The following GAS7 variants were observed in gnomAD, a reference collection of about 807,000 sequenced individuals.
GAS7 encodes the protein growth arrest-specific protein 7.
In GAS7, 28 loss-of-function variants were observed where a neutral mutation model predicts 71.1. The observed-to-expected ratio is 0.39, with a 90% CI of 0.29 to 0.54. The LOEUF (loss-of-function observed/expected upper bound fraction) is 0.54. Among genes scored for constraint, GAS7 ranks in the 20% least tolerant of loss-of-function variants. GAS7 has a pLI of 0.62. For synonymous variants in GAS7, 258 were observed against 245.8 expected (o/e 1.05, Z -0.46); for missense variants, 436 against 627.8 (o/e 0.69, Z 3.27).
rs900711132 is a variant in GAS7, at chr17:9,969,569, G to A, written c.471+108C>T. 14 of 689,964 alleles carry A rather than the reference G, an allele frequency of 2.0e-5. No individual in the cohort carries two copies. The highest frequency in any genetic ancestry group is 3.4e-5 in the Non-Finnish European group (13 of 376,916). The allele number at this position is 689,964 out of a possible 1,614,324, so 42.7% of individuals were successfully genotyped here. ...CACAGCAACCACTTTCTACCTGGGGGCAGAACTGGGCTGCAGCCACCTGGA... is the reference window on the plus strand; with the variant it reads ...CACAGCAACCACTTTCTACCTGGGGACAGAACTGGGCTGCAGCCACCTGGA... On this transcript the variant is annotated intron_variant, in intron 4 of 13. Transcript: ENST00000432992. The surrounding 1 kb of genome is among the most constrained non-coding windows in gnomAD (Gnocchi z 5.5).
intron 1 of GAS7, among the ~76,000 whole-genome samples, chr17:10,073,802 T>C (rs888229110): frequency 5.9e-5 from 9 of 152,192 alleles, no homozygotes; most frequent in African/African-American, 2.2e-4. Flanking sequence ...GACTTTTTTC[T>C]CAACTGAATT....
At chr17:9,988,288 C>A (rs1032155408) in intron 2 of GAS7, among the ~76,000 whole-genome samples, 2 of 152,334 alleles carry the variant, frequency 1.3e-5, no homozygotes, top group African/African-American at 4.8e-5. Flanking sequence ...GGCAGCCCTG[C>A]CACTCCGTTT....
rs75453384 is a variant in GAS7, at chr17:9,912,511, G to A, written c.*4717C>T. The stretch of plus-strand genomic sequence containing the variant: ...CCTCCAACGCCCAATACATAGCCAA[G>A]GACCGTGTGACACTGAAGCCTGGGT... On this transcript the variant is annotated 3_prime_UTR_variant, in exon 14 of 14. Transcript: ENST00000432992. The A allele has an allele frequency of 2.9e-3, 674 of 232,926 alleles. 8 individuals are homozygous for A. Among genetic ancestry groups the A allele is most frequent in the Non-Finnish European group, 2.8e-3 (333 of 117,856 alleles). 14.4% of individuals were successfully genotyped at this position (232,926 alleles called of 1,614,324 possible).
At chr17:10,191,434 G>C (rs2074498529) in intron 1 of GAS7, among the ~76,000 whole-genome samples, 1 of 151,748 alleles carries the variant, frequency 6.6e-6, no homozygotes, top group Non-Finnish European at 1.5e-5. Flanking sequence ...GCCAGGCATG[G>C]TGGCAGGTGC....
intron 1 of GAS7, among the ~76,000 whole-genome samples, chr17:10,076,736 G>C (rs1597777035): frequency 6.6e-6 from 1 of 152,158 alleles, no homozygotes; most frequent in East Asian, 1.9e-4. Context: ...AGAAACTGTA[G>C]TTTCAGAACG....
chr17:9,917,872 G>T (rs2067640476), intron 13 of GAS7, 129 bp downstream of exon 13: 2 of 653,872 alleles, frequency 3.1e-6, no homozygotes, highest in Non-Finnish European at 5.3e-6. Context: ...CCAGGCCAGA[G>T]CACCTGCCCA....
intron 1 of GAS7, among the ~76,000 whole-genome samples, chr17:10,186,320 G>A (rs2074453055): frequency 6.6e-6 from 1 of 151,536 alleles, no homozygotes; most frequent in South Asian, 2.1e-4. Context: ...GAGAAGCACA[G>A]ATCTCACACC....
chr17:10,054,624 T>C (rs1207675515), intron 1 of GAS7, among the ~76,000 whole-genome samples: 7 of 152,326 alleles, frequency 4.6e-5, no homozygotes, highest in African/African-American at 1.7e-4. Flanking sequence ...GGGGCCTTTA[T>C]AAGCAGTCGT....
chr17:10,191,729 G>C (rs112490077), intron 1 of GAS7, among the ~76,000 whole-genome samples: 313 of 151,856 alleles, frequency 2.1e-3, no homozygotes, highest in African/African-American at 7.4e-3. Flanking sequence ...ACAAAAATTA[G>C]CCAGGCATGG....
intron 2 of GAS7, among the ~76,000 whole-genome samples, chr17:10,011,488 C>T (rs1013199592): frequency 1.3e-5 from 2 of 152,186 alleles, no homozygotes; most frequent in Non-Finnish European, 2.9e-5. Flanking sequence ...CAGAAGTGAA[C>T]ATATCCACTA....
intron 2 of GAS7, among the ~76,000 whole-genome samples, chr17:9,983,721 A>G (rs2070528296): frequency 6.6e-6 from 1 of 152,082 alleles, no homozygotes; most frequent in Non-Finnish European, 1.5e-5. Context: ...TGGGAGGTGG[A>G]GGTTGCAGTG....
intron 2 of GAS7, among the ~76,000 whole-genome samples, chr17:9,983,075 GT>G (rs1223088698): frequency 6.6e-6 from 1 of 151,634 alleles, no homozygotes; most frequent in Non-Finnish European, 1.5e-5. Context: ...CCATTCAGAG[GT>G]CATCACCATC....
chr17:10,050,986 G>C (rs1370569905), intron 1 of GAS7, among the ~76,000 whole-genome samples: 1 of 152,150 alleles, frequency 6.6e-6, no homozygotes, highest in East Asian at 1.9e-4. Context: ...CCACTCAGTT[G>C]ACCACAGACA....
intron 3 of GAS7, among the ~76,000 whole-genome samples, chr17:9,973,878 A>G (rs564171627): frequency 7.1e-4 from 108 of 152,302 alleles, no homozygotes; most frequent in Non-Finnish European, 1.3e-3. Flanking sequence ...CGAAAATGAA[A>G]TGCACAAGTT....
chr17:10,130,001 G>T (rs1156446971), intron 1 of GAS7, among the ~76,000 whole-genome samples: 1 of 151,640 alleles, frequency 6.6e-6, no homozygotes, highest in African/African-American at 2.4e-5. Context: ...GTGAAACCAC[G>T]TCTCTACTAA....
chr17:10,097,916 C>T (rs189509815), intron 1 of GAS7, among the ~76,000 whole-genome samples: 29 of 152,036 alleles, frequency 1.9e-4, no homozygotes, highest in Admixed American at 1.5e-3. Flanking sequence ...TGGTGGCAGG[C>T]GACTGTAATC....
At position 9,946,750 on chromosome 17, in the gene GAS7, A is replaced by G. The variant is rs1317205201; in HGVS notation, c.615+144T>C. 3 of 578,432 alleles carry G rather than the reference A, an allele frequency of 5.2e-6. No homozygotes were observed. In the African/African-American group the frequency reaches 5.7e-5, roughly 11 times the overall value. 35.8% of individuals were successfully genotyped at this position (578,432 alleles called of 1,614,324 possible). A position where few individuals can be genotyped will look rare whatever the true frequency, so the allele number is the denominator to read the frequency against. ...CCCAAGAGGGTCCTAAGTTCCTGTC[A>G]CAGATGCAAACTCTAACACCAGCCC... On this transcript the variant is annotated intron_variant, in intron 6 of 13. Coordinates refer to ENST00000432992, the MANE Select transcript of GAS7 (RefSeq NM_201433.2).
chr17:10,058,467 AT>A (rs926432652), intron 1 of GAS7, among the ~76,000 whole-genome samples: 26 of 151,936 alleles, frequency 1.7e-4, no homozygotes, highest in African/African-American at 6.3e-4. Context: ...AAAAAAAAAA[AT>A]CTGTCAAATG....
At chr17:10,102,670 A>AT (rs1022387359) in intron 1 of GAS7, among the ~76,000 whole-genome samples, 7 of 151,872 alleles carry the variant, frequency 4.6e-5, no homozygotes, top group Non-Finnish European at 8.8e-5. Context: ...ACCAGAGGAG[A>AT]TTTTTTAAAG....
Sources: gnomAD v4.1 joint callset for allele counts (sites outside exome capture counted in the v4.1 genomes callset) on GRCh38, gnomAD v4.1.1 for gene constraint, Gnocchi (gnomAD v3.1) non-coding constraint, MANE v1.5 for transcripts, NCBI Gene and HGNC (gene_info 2026-07-23, HGNC 2026-07-21) for gene names.